The following RNF144A variants were observed in gnomAD, a reference collection of about 807,000 sequenced individuals.
RNF144A encodes the protein ring finger protein 144A.
Under a neutral mutation model 38.7 loss-of-function variants are expected in RNF144A, and 11 were observed. The observed-to-expected ratio is 0.28, with a 90% CI of 0.18 to 0.47. The LOEUF (loss-of-function observed/expected upper bound fraction) is 0.47. Among genes scored for constraint, RNF144A ranks in the 20% least tolerant of loss-of-function variants. The pLI is 0.99. For missense variants in RNF144A, 316 were observed against 377.2 expected (o/e 0.84, Z 1.34); for synonymous variants, 149 against 143.9 (o/e 1.04, Z -0.25).
intron 2 of RNF144A, among the ~76,000 whole-genome samples, chr2:6,980,954 G>A (rs1441052867): frequency 6.6e-6 from 1 of 152,234 alleles, no homozygotes; most frequent in Non-Finnish European, 1.5e-5. Flanking sequence ...AATACCACGT[G>A]GAAGGTGCCA....
Position 7,014,762 on chromosome 2 carries a change from A to C in RNF144A, c.291A>C (p.Gln97His), listed in dbSNP as rs1001892590. 11 of 1,611,632 alleles carry C rather than the reference A, an allele frequency of 6.8e-6. No homozygotes were observed. Among genetic ancestry groups the C allele is most frequent in the Admixed American group, 3.3e-5 (2 of 60,020 alleles). ...TTATGCAAAGATATAAAAAGCTACA[A>C]TTTGAAAGAGGTAGGTGCCTGGTAT... ...AEIMQRYKKL[Q>H]FEREVLFDPC... Residue 97 changes from glutamine (Q) to histidine (H), a missense_variant, in exon 5 of 9, where the codon CAA (glutamine) becomes CAC (histidine). Physicochemically the swap from Gln to His is conservative, Grantham distance 24. Transcript: ENST00000320892.
Position 7,014,528 on chromosome 2 carries a change from C to T in RNF144A, c.210C>T (p.Cys70=). 6.2e-7 allele frequency: 1 copy of T among 1,607,412 alleles called. No individual in the cohort carries two copies. Among genetic ancestry groups the T allele is most frequent in the South Asian group, 1.1e-5 (1 of 89,842 alleles). The change falls in exon 4 of 9, where the codon TGC becomes TGT. Residue 70 remains cysteine, a synonymous_variant. Transcript: ENST00000320892. ...CAATTAGCTGCCCAGATGCTGCCTG[C>T]CCTAAACAGGGCCACCTACAGGAGA... ...ETAISCPDAA[C]PKQGHLQENE...
At chr2:6,927,569 A>T (rs566189893) in intron 1 of RNF144A, among the ~76,000 whole-genome samples, 1 of 152,334 alleles carries the variant, frequency 6.6e-6, no homozygotes, top group East Asian at 1.9e-4. Context: ...CAGAATGCAG[A>T]CAGGTGGAGG....
chr2:6,951,829 C>T (rs939539803), intron 2 of RNF144A, among the ~76,000 whole-genome samples: 1 of 152,002 alleles, frequency 6.6e-6, no homozygotes, highest in African/African-American at 2.4e-5. Flanking sequence ...TCTATAGATT[C>T]TTGTACATAT....
At chr2:6,994,265 C>T (rs1037039677) in intron 2 of RNF144A, among the ~76,000 whole-genome samples, 8 of 152,174 alleles carry the variant, frequency 5.3e-5, no homozygotes, top group Admixed American at 3.9e-4. Context: ...TTTTCCAGCC[C>T]TGACTGATTT....
rs1673509256 is a variant in RNF144A, at chr2:7,051,189, G to A, written c.735-17027G>A. ...ATTGGGGTCGGGGATGGAGAGAGCA[G>A]GGGGTTGCTCAGAGCACAGATTGGG... is the stretch of plus-strand genomic sequence containing the variant. On this transcript the variant is annotated intron_variant, in intron 6 of 6. Transcript: ENST00000432850. Among the ~76,000 whole-genome samples, 4 of 152,178 alleles carry A rather than the reference G, an allele frequency of 2.6e-5. No homozygotes were observed. In the South Asian group the frequency reaches 8.3e-4, roughly 32 times the overall value.
At chr2:7,018,688 A>G (rs1364255590) in intron 5 of RNF144A, among the ~76,000 whole-genome samples, 2 of 152,238 alleles carry the variant, frequency 1.3e-5, no homozygotes, top group African/African-American at 2.4e-5. Flanking sequence ...TGTGGAAACT[A>G]TCAACAAATA....
chr2:6,946,994 T>A (rs527797472), intron 2 of RNF144A, among the ~76,000 whole-genome samples: 1 of 152,296 alleles, frequency 6.6e-6, no homozygotes, highest in African/African-American at 2.4e-5. Context: ...TACTATGTGA[T>A]TTTTGGCATA....
At chr2:6,982,509 A>T (rs182330810) in intron 2 of RNF144A, among the ~76,000 whole-genome samples, 2 of 152,366 alleles carry the variant, frequency 1.3e-5, no homozygotes, top group Non-Finnish European at 2.9e-5. Flanking sequence ...GCAATTATTT[A>T]TATTCAAATA....
chr2:7,038,962 T>C (rs754271016), intron 8 of RNF144A, among the ~76,000 whole-genome samples: 14 of 149,962 alleles, frequency 9.3e-5, no homozygotes, highest in Non-Finnish European at 1.9e-4. Context: ...GGGTGATGGC[T>C]AGGTATTGAT....
At chr2:6,952,032 A>C (rs1277587869) in intron 2 of RNF144A, among the ~76,000 whole-genome samples, 3 of 152,114 alleles carry the variant, frequency 2.0e-5, no homozygotes, top group African/African-American at 7.2e-5. Flanking sequence ...GTTTGCCGCC[A>C]TATTTTTCTA....
At chr2:7,033,887 G>A (rs572220153) in intron 8 of RNF144A, among the ~76,000 whole-genome samples, 45 of 152,328 alleles carry the variant, frequency 3.0e-4, no homozygotes, top group African/African-American at 1.0e-3. Flanking sequence ...CGAATGACCC[G>A]TTTGGCCGTG....
chr2:6,963,327 A>G (rs544834152), intron 2 of RNF144A, among the ~76,000 whole-genome samples: 1 of 152,348 alleles, frequency 6.6e-6, no homozygotes, highest in South Asian at 2.1e-4. Flanking sequence ...AATATGCAAC[A>G]CATTCTGATC....
chr2:6,928,621 C>T (rs958687366), intron 1 of RNF144A, among the ~76,000 whole-genome samples: 5 of 152,192 alleles, frequency 3.3e-5, no homozygotes, highest in Admixed American at 6.5e-5. Flanking sequence ...CCCTGGCCTC[C>T]GTGCTCCTCC....
intron 2 of RNF144A, among the ~76,000 whole-genome samples, chr2:6,963,865 G>A (rs1179559074): frequency 6.6e-6 from 1 of 152,176 alleles, no homozygotes; most frequent in African/African-American, 2.4e-5. Context: ...CACACTGTAT[G>A]CCCAGGAGTG....
At chr2:7,022,317 C>T (rs1012762467) in intron 6 of RNF144A, among the ~76,000 whole-genome samples, 12 of 152,340 alleles carry the variant, frequency 7.9e-5, no homozygotes, top group African/African-American at 2.6e-4. Flanking sequence ...TTAGCATCAC[C>T]TGCGCACCTC....
At chr2:6,980,743 A>C (rs1022378626) in intron 2 of RNF144A, among the ~76,000 whole-genome samples, 1 of 152,164 alleles carries the variant, frequency 6.6e-6, no homozygotes, top group African/African-American at 2.4e-5. Flanking sequence ...TCACAGCTCC[A>C]CTAGGCAGTG....
At chr2:6,990,047 T>C (rs1358316958) in intron 2 of RNF144A, among the ~76,000 whole-genome samples, 1 of 152,196 alleles carries the variant, frequency 6.6e-6, no homozygotes, top group Non-Finnish European at 1.5e-5. Flanking sequence ...TTGATCAGCA[T>C]TCTCTCCCAG....
intron 1 of RNF144A, among the ~76,000 whole-genome samples, chr2:6,928,122 TTGTAGCC>T: frequency 6.6e-6 from 1 of 152,344 alleles, no homozygotes; most frequent in East Asian, 1.9e-4. Flanking sequence ...ACGTCCTTCT[TTGTAGCC>T]TGTATTATTC....
Sources: gnomAD v4.1 joint callset for allele counts (sites outside exome capture counted in the v4.1 genomes callset) on GRCh38, gnomAD v4.1.1 for gene constraint, MANE v1.5 for transcripts, NCBI Gene and HGNC (gene_info 2026-07-23, HGNC 2026-07-21) for gene names.